GNAQ: variants seen among roughly 807,000 people sequenced by gnomAD.
The protein encoded by GNAQ is guanine nucleotide-binding protein G(q) subunit alpha.
A neutral mutation model predicts 43.9 loss-of-function variants in GNAQ; 8 were observed. That is an observed-to-expected ratio of 0.18 (90% CI 0.11 to 0.33). GNAQ has a LOEUF of 0.33. Among genes scored for constraint, GNAQ ranks in the 10% least tolerant of loss-of-function variants. The pLI is 1.00. For missense variants in GNAQ, 158 were observed against 450.8 expected (o/e 0.35, Z 5.88); for synonymous variants, 155 against 170.7 (o/e 0.91, Z 0.71).
At chr9:77,894,159 A>AT (rs1445598529) in intron 2 of GNAQ, among the ~76,000 whole-genome samples, 1 of 151,622 alleles carries the variant, frequency 6.6e-6, no homozygotes, top group Non-Finnish European at 1.5e-5. Context: ...TCTTTCCAGA[A>AT]TGCCATGTCT....
chr9:77,986,138 T>C (rs1823432952), intron 1 of GNAQ, among the ~76,000 whole-genome samples: 2 of 152,200 alleles, frequency 1.3e-5, no homozygotes, highest in Non-Finnish European at 2.9e-5. Flanking sequence ...ATGCAGATTA[T>C]AGCCACCACC....
chr9:77,744,093 A>G (rs1825695025), intron 5 of GNAQ, among the ~76,000 whole-genome samples: 1 of 152,206 alleles, frequency 6.6e-6, no homozygotes, highest in Non-Finnish European at 1.5e-5. Flanking sequence ...GCCATTCCAT[A>G]TTTCGGATAC....
intron 4 of GNAQ, among the ~76,000 whole-genome samples, chr9:77,796,442 C>G (rs1312865624): frequency 6.6e-6 from 1 of 152,190 alleles, no homozygotes; most frequent in Non-Finnish European, 1.5e-5. Flanking sequence ...TCTCATTTCT[C>G]AAAGCACCAT....
At chr9:77,722,276 A>G (rs949368844) in intron 6 of GNAQ, among the ~76,000 whole-genome samples, 7 of 151,822 alleles carry the variant, frequency 4.6e-5, no homozygotes, top group African/African-American at 1.7e-4. Context: ...AGCTGGGATT[A>G]CTGGTGCCTG....
At chr9:77,991,558 C>T (rs1823508139) in intron 1 of GNAQ, among the ~76,000 whole-genome samples, 1 of 152,146 alleles carries the variant, frequency 6.6e-6, no homozygotes, top group Admixed American at 6.5e-5. Flanking sequence ...TCCCCTCCCT[C>T]CTTCTTAAAA....
chr9:77,929,821 C>A (rs956525381), intron 1 of GNAQ, among the ~76,000 whole-genome samples: 1 of 152,130 alleles, frequency 6.6e-6, no homozygotes, highest in Admixed American at 6.5e-5. Flanking sequence ...CAAAGCAAGA[C>A]CCTGTCACAC....
intron 3 of GNAQ, among the ~76,000 whole-genome samples, chr9:77,812,309 A>T (rs1171146766): frequency 6.6e-6 from 1 of 152,206 alleles, no homozygotes; most frequent in Non-Finnish European, 1.5e-5. Flanking sequence ...CAACTTTATA[A>T]TGGAGGGTGC....
chr9:77,865,173 T>TC (rs1371784569), intron 2 of GNAQ, among the ~76,000 whole-genome samples: 2 of 152,242 alleles, frequency 1.3e-5, no homozygotes, highest in Non-Finnish European at 2.9e-5. Flanking sequence ...CTTCCATACT[T>TC]CTTTTCCTAC....
At chr9:77,845,556 TTAAAGAACACAATTCCATAAGCACA>T (rs1191797865) in intron 2 of GNAQ, among the ~76,000 whole-genome samples, 1 of 152,216 alleles carries the variant, frequency 6.6e-6, no homozygotes, top group African/African-American at 2.4e-5. Flanking sequence ...CAAAGTTACT[TTAAAGAACACAATTCCATAAGCACA>T]TAAAGAACAC....
At chr9:78,005,929 T>G (rs1175965681) in intron 1 of GNAQ, among the ~76,000 whole-genome samples, 1 of 152,202 alleles carries the variant, frequency 6.6e-6, no homozygotes, top group African/African-American at 2.4e-5. Flanking sequence ...TGGAAGAAAC[T>G]AGACACAAGC....
intron 2 of GNAQ, among the ~76,000 whole-genome samples, chr9:77,844,233 G>T (rs1389673167): frequency 1.3e-5 from 2 of 151,986 alleles, no homozygotes; most frequent in Non-Finnish European, 2.9e-5. Flanking sequence ...ACTACCAAGG[G>T]CTTCACATCT....
intron 2 of GNAQ, among the ~76,000 whole-genome samples, chr9:77,841,177 C>T (rs1317559103): frequency 6.6e-6 from 1 of 152,124 alleles, no homozygotes; most frequent in Non-Finnish European, 1.5e-5. Context: ...TTTTCTGCCC[C>T]CATGGGAGTT....
At chr9:77,725,998 AATT>A (rs1190023996) in intron 6 of GNAQ, among the ~76,000 whole-genome samples, 1 of 150,886 alleles carries the variant, frequency 6.6e-6, no homozygotes, top group African/African-American at 2.5e-5. Context: ...TTCCAAGAAA[AATT>A]AAGAAGAACC....
At chr9:77,727,506 T>C (rs1406989365) in intron 6 of GNAQ, among the ~76,000 whole-genome samples, 2 of 152,116 alleles carry the variant, frequency 1.3e-5, no homozygotes, top group Admixed American at 1.3e-4. Context: ...AAGCAAATAA[T>C]GCAGAGCCAT....
chr9:77,960,298 T>A (rs913528021), intron 1 of GNAQ, among the ~76,000 whole-genome samples: 3 of 152,168 alleles, frequency 2.0e-5, no homozygotes, highest in Admixed American at 6.5e-5. Context: ...CCAGAATGGG[T>A]CAGGAGGCAG....
At chr9:77,735,257 A>G (rs933117927) in intron 5 of GNAQ, among the ~76,000 whole-genome samples, 3 of 152,188 alleles carry the variant, frequency 2.0e-5, no homozygotes, top group Non-Finnish European at 4.4e-5. Flanking sequence ...ATAACTCACT[A>G]AAGAACACCT....
chr9:77,765,578 A>C (rs1309460759), intron 5 of GNAQ, among the ~76,000 whole-genome samples: 1 of 152,258 alleles, frequency 6.6e-6, no homozygotes, highest in Non-Finnish European at 1.5e-5. Context: ...CATTCATTAG[A>C]ATAACTATTT....
intron 3 of GNAQ, among the ~76,000 whole-genome samples, chr9:77,802,499 T>G (rs1012605832): frequency 6.6e-6 from 1 of 152,096 alleles, no homozygotes; most frequent in Non-Finnish European, 1.5e-5. Context: ...AAAAAAAAAT[T>G]GGTGGAATAT....
chr9:77,991,956 T>C (rs1360023488), intron 1 of GNAQ, among the ~76,000 whole-genome samples: 2 of 152,256 alleles, frequency 1.3e-5, no homozygotes, highest in Non-Finnish European at 2.9e-5. Flanking sequence ...ATTTTCTTTA[T>C]CCACTTGTTA....
Sources: gnomAD v4.1 joint callset for allele counts (sites outside exome capture counted in the v4.1 genomes callset) on GRCh38, gnomAD v4.1.1 for gene constraint, MANE v1.5 for transcripts, NCBI Gene and HGNC (gene_info 2026-07-23, HGNC 2026-07-21) for gene names.